GCN1: variants seen among roughly 807,000 people sequenced by gnomAD.
The protein encoded by GCN1 is GCN1 activator of EIF2AK4.
Under a neutral mutation model 288.4 loss-of-function variants are expected in GCN1, and 90 were observed. That is an observed-to-expected ratio of 0.31 (90% CI 0.26 to 0.37). The LOEUF (loss-of-function observed/expected upper bound fraction) is 0.37. GCN1 is among the 10% of genes least tolerant of loss of function. GCN1 has a pLI of 1.00. For missense variants in GCN1, 2,586 were observed against 3,419.9 expected (o/e 0.76, Z 6.08); for synonymous variants, 1,386 against 1,420.2 (o/e 0.98, Z 0.54).
rs1285056178 is a variant in GCN1, at chr12:120,151,235, C to T, written c.4219G>A (p.Gly1407Ser). Reference protein sequence around the residue: ...AAYGLAGLVKGLGILSLKQQE... With the variant: ...AAYGLAGLVKSLGILSLKQQE... Reference sequence around the variant, plus strand: ...TGCTTCAGCGAGAGGATGCCCAGGCCCTTCACCAGGCCCGCCAGGCCATAG... The same window carrying T: ...TGCTTCAGCGAGAGGATGCCCAGGCTCTTCACCAGGCCCGCCAGGCCATAG... The change falls in exon 34 of 58, where the codon GGC (glycine) becomes AGC (serine). Residue 1407 changes from glycine to serine, a missense_variant. By Grantham distance (56) the Gly-to-Ser change is moderately conservative. This residue lies in a region of GCN1 where 371 missense variants were observed against 572.6 expected (regional missense o/e 0.65). Transcript: ENST00000300648. The T allele has an allele frequency of 6.2e-7, 1 of 1,614,070 alleles. No individual in the cohort carries two copies. The highest frequency in any genetic ancestry group is 8.5e-7 in the Non-Finnish European group (1 of 1,180,042).
rs772349727 is a variant in GCN1, at chr12:120,168,199, G to A, written c.1612+9C>T. ...AATCCCGAGTTCAACTAAGCATGGA[G>A]TAACTTACCATCCTCTGAAGCCATG... On this transcript the variant is annotated intron_variant, in intron 16 of 57. Transcript: ENST00000300648. 1.8e-5 allele frequency: 26 copies of A among 1,461,486 alleles called. No individual in the cohort carries two copies. Among genetic ancestry groups the A allele is most frequent in the Admixed American group, 5.0e-5 (3 of 59,832 alleles). 90.5% of individuals were successfully genotyped at this position (1,461,486 alleles called of 1,614,324 possible).
At chr12:120,169,462 G>A (rs1878248771) in intron 15 of GCN1, among the ~76,000 whole-genome samples, 1 of 151,232 alleles carries the variant, frequency 6.6e-6, no homozygotes, top group South Asian at 2.1e-4. Context: ...TCCCCAGCAT[G>A]TTCAATTACA....
intron 38 of GCN1, among the ~76,000 whole-genome samples, chr12:120,146,665 A>T (rs1215775480): frequency 1.3e-5 from 2 of 152,206 alleles, no homozygotes; most frequent in African/African-American, 4.8e-5. Context: ...CTCCTAAGGC[A>T]GACAGTGAGA....
intron 9 of GCN1, 56 bp from the exon 10 acceptor site, chr12:120,176,273 A>T: frequency 8.4e-7 from 1 of 1,196,712 alleles, no homozygotes; most frequent in Non-Finnish European, 1.3e-6. Flanking sequence ...TTCAACAGAT[A>T]ATTTTGTTCC....
At chr12:120,185,889 G>A (rs776280560) in intron 2 of GCN1, among the ~76,000 whole-genome samples, 6 of 152,056 alleles carry the variant, frequency 3.9e-5, no homozygotes, top group African/African-American at 1.2e-4. Flanking sequence ...GTGAGCCATC[G>A]CACCCGGATT....
chr12:120,181,753 C>T (rs1182854), intron 5 of GCN1, among the ~76,000 whole-genome samples: 1 of 149,306 alleles, frequency 6.7e-6, no homozygotes, highest in Non-Finnish European at 1.5e-5. Flanking sequence ...GCAGGAGAAT[C>T]GCTTGAATCC....
At chr12:120,159,787 C>A in intron 24 of GCN1, 38 bp downstream of exon 24, 1 of 1,584,458 alleles carries the variant, frequency 6.3e-7, no homozygotes, top group South Asian at 1.1e-5. Flanking sequence ...TCAGGGGCAC[C>A]CCTGGGCCAT....
chr12:120,138,475 ACCG>A (rs2139087983), intron 46 of GCN1, 60 bp from the exon 47 acceptor site: 1 of 1,130,560 alleles, frequency 8.8e-7, no homozygotes, highest in East Asian at 2.3e-5. Context: ...TCAACCAGCC[ACCG>A]CCAACTTCCT....
intron 16 of GCN1, 33 bp downstream of exon 16, chr12:120,168,175 A>G (rs1446550040): frequency 4.0e-6 from 5 of 1,243,552 alleles, no homozygotes; most frequent in East Asian, 2.3e-5. Context: ...CTTTGCCTCA[A>G]TCCCGAGTTC....
chr12:120,134,217 T>C lies in GCN1; in HGVS notation c.7317+74A>G. On this transcript the variant is annotated intron_variant, in intron 53 of 57. Transcript: ENST00000300648. This position sits in a 1 kb window ranked among gnomAD's most constrained non-coding sequence, Gnocchi z 5.0. ...GAGCTGTACTGGTTCTAACACAAAG[T>C]GAAGAACTCAACCTAAGGAGGAGGA... is the stretch of plus-strand genomic sequence containing the variant. 1.0e-6 allele frequency: 1 copy of C among 958,524 alleles called. No homozygotes were observed. 59.4% of individuals were successfully genotyped at this position (958,524 alleles called of 1,614,324 possible). A position where few individuals can be genotyped will look rare whatever the true frequency, so the allele number is the denominator to read the frequency against.
In GCN1 at chr12:120,178,897, G is replaced by A. The variant is rs757475557; in HGVS notation, c.480C>T (p.His160=). ...LLEVLGGSHK[H]AVDGAVKKLT... ...GTTTCTTCACAGCACCATCCACGGC[G>A]TGCTTGTGGGAGCCACCCAGCACCT... is the stretch of plus-strand genomic sequence containing the variant. Residue 160 remains histidine, a synonymous_variant, in exon 6 of 58, where the codon CAC becomes CAT. Transcript: ENST00000300648. The A allele has an allele frequency of 3.7e-5, 59 of 1,614,058 alleles. No homozygotes were observed. In the East Asian group the frequency reaches 7.8e-4, roughly 21 times the overall value.
intron 15 of GCN1, 33 bp downstream of exon 15, chr12:120,170,136 T>C (rs372055936): frequency 1.2e-6 from 2 of 1,601,140 alleles, no homozygotes; most frequent in Non-Finnish European, 1.7e-6. Flanking sequence ...GAGGCCCCTG[T>C]CTCTACCATC....
rs1877492651 is a variant in GCN1, at chr12:120,150,118, C to G, written c.4310-75G>C. 5.3e-5 allele frequency: 78 copies of G among 1,478,784 alleles called. 4 individuals are homozygous for G. The South Asian group carries it at 9.3e-4, about 18-fold the overall frequency. The allele number at this position is 1,478,784 out of a possible 1,614,324, so 91.6% of individuals were successfully genotyped here. A position where few individuals can be genotyped will look rare whatever the true frequency, so the allele number is the denominator to read the frequency against. On this transcript the variant is annotated intron_variant, in intron 34 of 57. Coordinates refer to ENST00000300648, the MANE Select transcript of GCN1 (RefSeq NM_006836.2). Reference sequence around the variant, plus strand: ...TAGCCACAGAGAACAGAAGGGACAGCAACCTCCCTGCCACCTCCCACCCCT... The same window carrying G: ...TAGCCACAGAGAACAGAAGGGACAGGAACCTCCCTGCCACCTCCCACCCCT...
intron 20 of GCN1, 50 bp from the exon 21 acceptor site, chr12:120,162,108 C>A: frequency 1.3e-6 from 2 of 1,509,766 alleles, no homozygotes; most frequent in South Asian, 1.1e-5. Flanking sequence ...CTGGCACTGG[C>A]AAGAGGTCCA....
At chr12:120,188,590 C>T (rs11065040) in intron 2 of GCN1, among the ~76,000 whole-genome samples, 64,089 of 151,594 alleles carry the variant, frequency 0.42, 15,148 homozygotes, top group South Asian at 0.64. Context: ...TGGCTGGGCG[C>T]GGTGGCTCAC....
At position 120,142,926 on chromosome 12, in the gene GCN1, C is replaced by G. The variant is rs199870445; in HGVS notation, c.5511G>C (p.Gln1837His). Residue 1837 changes from glutamine (Q) to histidine (H), a missense_variant, in exon 43 of 58, where the codon CAG (glutamine) becomes CAC (histidine). By Grantham distance (24) the Gln-to-His change is conservative (BLOSUM62 0). This residue lies in a region of GCN1 where 371 missense variants were observed against 572.6 expected (regional missense o/e 0.65). Transcript: ENST00000300648. This position sits in a 1 kb window ranked among gnomAD's most constrained non-coding sequence, Gnocchi z 4.9. ...TGTGAAACAGGAGATCCCCAAGGAG[C>G]TGAACAGAGCTGAACCTGAGAAGGA... is the stretch of plus-strand genomic sequence containing the variant. Reference protein sequence around the residue: ...DLWRIRFSSVQLLGDLLFHIS... With the variant: ...DLWRIRFSSVHLLGDLLFHIS... 1 of 1,608,282 alleles carries G rather than the reference C, an allele frequency of 6.2e-7. No homozygotes were observed. The highest frequency in any genetic ancestry group is 1.3e-5 in the African/African-American group (1 of 74,802).
intron 16 of GCN1, among the ~76,000 whole-genome samples, chr12:120,166,883 G>A (rs893461065): frequency 6.6e-6 from 1 of 150,534 alleles, no homozygotes. Context: ...ATGTGGTGGT[G>A]TGCACCTGTA....
chr12:120,168,473 T>C (rs1878204264), intron 15 of GCN1, 173 bp from the exon 16 acceptor site: 1 of 568,076 alleles, frequency 1.8e-6, no homozygotes. Flanking sequence ...TATCACCTCC[T>C]GTACGAAACT....
At position 120,129,296 on chromosome 12, in the gene GCN1, G is replaced by A; in HGVS notation, c.7870C>T (p.Gln2624Ter). The A allele has an allele frequency of 6.2e-7, 1 of 1,613,826 alleles. No individual in the cohort carries two copies. The highest frequency in any genetic ancestry group is 8.5e-7 in the Non-Finnish European group (1 of 1,179,754). ...CCCACCTGAAACACCTCTTCACCCT[G>A]CCGCATCTTGAGGAGGTTGACAATT... is the stretch of plus-strand genomic sequence containing the variant. ...QAIVNLLKMR[Q>*]GEEVFQSLSK... Residue 2624 changes from glutamine to a stop codon, truncating the protein, a stop_gained, in exon 57 of 58, where the codon CAG becomes TAG. Coordinates refer to ENST00000300648, the MANE Select transcript of GCN1 (RefSeq NM_006836.2). LOFTEE classifies it high-confidence loss of function.
Sources: allele counts gnomAD v4.1 joint callset (sites outside exome capture counted in the v4.1 genomes callset), GRCh38; gene constraint gnomAD v4.1.1; regional missense constraint gnomAD v4.1.1; non-coding constraint Gnocchi (gnomAD v3.1); transcripts MANE v1.5; gene names NCBI Gene and HGNC (gene_info 2026-07-23, HGNC 2026-07-21).